The following EXT2 variants were observed in gnomAD, a reference collection of about 807,000 sequenced individuals.
The protein encoded by EXT2 is exostosin-2.
A neutral mutation model predicts 81.6 loss-of-function variants in EXT2; 53 were observed. The observed-to-expected ratio is 0.65, with a 90% confidence interval of 0.52 to 0.82. EXT2 has a LOEUF of 0.82. Ranked by LOEUF, EXT2 falls within the 40% of genes least tolerant of loss-of-function variation. The probability of loss-of-function intolerance (pLI) is 0.00; values close to 1 mark genes in which losing one functional copy is unlikely to be tolerated. For synonymous variants in EXT2, 320 were observed against 340.0 expected (o/e 0.94, Z 0.65); for missense variants, 774 against 910.2 (o/e 0.85, Z 1.93).
intron 7 of EXT2, among the ~76,000 whole-genome samples, chr11:44,131,456 C>T (rs7117287): frequency 0.26 from 39,752 of 152,066 alleles, 6,106 homozygotes; most frequent in Admixed American, 0.43. Flanking sequence ...GATCTGCCTT[C>T]TCTGGGCCTC....
At chr11:44,231,197 G>A (rs1012320346) in intron 10 of EXT2, among the ~76,000 whole-genome samples, 6 of 152,124 alleles carry the variant, frequency 3.9e-5, no homozygotes, top group Admixed American at 3.9e-4. Flanking sequence ...TGGTGGTTTG[G>A]GCTAGAGGGA....
intron 3 of EXT2, among the ~76,000 whole-genome samples, chr11:44,110,548 A>G (rs1305904382): frequency 6.6e-6 from 1 of 152,218 alleles, no homozygotes; most frequent in Non-Finnish European, 1.5e-5. Flanking sequence ...ACTTTGGAGA[A>G]CAGAGAAGGG....
chr11:44,244,122 T>G lies in EXT2; in HGVS notation c.2019-27T>G, dbSNP rs767534653. On this transcript the variant is annotated intron_variant, in intron 13 of 13. Transcript: ENST00000533608. ...CTTCTCATTCTGCTCAAACCCCTCC[T>G]CCCCACCTCCTCTCCAAATCCCACA... is the stretch of plus-strand genomic sequence containing the variant. 6.8e-6 allele frequency: 11 copies of G among 1,612,376 alleles called. No individual in the cohort carries two copies. The East Asian group carries it at 2.5e-4, about 36-fold the overall frequency.
intron 7 of EXT2, chr11:44,144,413 C>A (rs757583646): frequency 2.7e-4 from 352 of 1,310,832 alleles, no homozygotes; most frequent in Middle Eastern, 3.7e-4. Flanking sequence ...CTTGACCAAA[C>A]ACAGTTTTAT....
intron 8 of EXT2, among the ~76,000 whole-genome samples, chr11:44,183,363 G>T (rs1955262925): frequency 6.6e-6 from 1 of 152,188 alleles, no homozygotes; most frequent in Non-Finnish European, 1.5e-5. Flanking sequence ...TATAGTGGTT[G>T]CCAAATAGTG....
At chr11:44,121,570 G>A (rs1049273373) in intron 4 of EXT2, among the ~76,000 whole-genome samples, 2 of 151,210 alleles carry the variant, frequency 1.3e-5, no homozygotes, top group African/African-American at 4.9e-5. Context: ...AACTTCTGTT[G>A]CCCCCCTGCC....
intron 9 of EXT2, among the ~76,000 whole-genome samples, chr11:44,201,727 A>G (rs1955524493): frequency 6.6e-6 from 1 of 152,194 alleles, no homozygotes; most frequent in Admixed American, 6.5e-5. Flanking sequence ...TGGGAAAGAA[A>G]AATCCTCTTT....
In EXT2 at chr11:44,096,177, C is replaced by A; in HGVS notation, c.-31+325C>A. ...TTCCTTTCCTCCTGCGACCCGCCCT[C>A]CGCCCTCCGCCGTGACCCCTCCCTT... On this transcript the variant is annotated intron_variant, in intron 1 of 13. Coordinates refer to ENST00000533608, the MANE Select transcript of EXT2 (RefSeq NM_207122.2). 3 of 1,384,882 alleles carry A rather than the reference C, an allele frequency of 2.2e-6. No homozygotes were observed. The South Asian group carries it at 3.7e-5, about 17-fold the overall frequency. 85.8% of individuals were successfully genotyped at this position (1,384,882 alleles called of 1,614,324 possible).
At chr11:44,139,465 G>T (rs1003662081) in intron 7 of EXT2, among the ~76,000 whole-genome samples, 2 of 152,080 alleles carry the variant, frequency 1.3e-5, no homozygotes, top group African/African-American at 4.8e-5. Flanking sequence ...AATTTAGGAG[G>T]ACTGGTCACA....
intron 4 of EXT2, among the ~76,000 whole-genome samples, chr11:44,115,369 C>T (rs948335188): frequency 6.6e-6 from 1 of 152,066 alleles, no homozygotes; most frequent in East Asian, 1.9e-4. Flanking sequence ...TTTTAAACTA[C>T]CATATCTTCA....
At chr11:44,234,949 G>A (rs1201454970) in intron 12 of EXT2, among the ~76,000 whole-genome samples, 1 of 152,174 alleles carries the variant, frequency 6.6e-6, no homozygotes, top group Admixed American at 6.5e-5. Context: ...CTAGCAATCT[G>A]CCTAGAAAGC....
chr11:44,189,260 TAA>T lies in EXT2; in HGVS notation c.1306-8568_1306-8567del, dbSNP rs553799391. Among the ~76,000 whole-genome samples, 20 of 152,268 alleles carry T rather than the reference TAA, an allele frequency of 1.3e-4. No individual in the cohort carries two copies. The East Asian group carries it at 3.7e-3, about 28-fold the overall frequency. ...TAACTATCTTACTTAGTTGAAGCCT[TAA>T]GAGGATTTCTAGCCTTTGATTTTCT... On this transcript the variant is annotated intron_variant, in intron 8 of 13. Transcript: ENST00000533608.
chr11:44,238,209 T>C (rs1955992880), intron 13 of EXT2, among the ~76,000 whole-genome samples: 1 of 152,188 alleles, frequency 6.6e-6, no homozygotes, highest in East Asian at 1.9e-4. Context: ...ATTATTATTA[T>C]TAAGAGAAAG....
chr11:44,192,371 G>T (rs1351303065), intron 8 of EXT2, among the ~76,000 whole-genome samples: 2 of 151,918 alleles, frequency 1.3e-5, no homozygotes, highest in Non-Finnish European at 2.9e-5. Context: ...TGTTTTTACT[G>T]TGCTGTCTTC....
chr11:44,219,229 C>T (rs1272661802), intron 10 of EXT2, among the ~76,000 whole-genome samples: 1 of 152,180 alleles, frequency 6.6e-6, no homozygotes, highest in East Asian at 1.9e-4. Context: ...TGACTGAGCA[C>T]AGTGACCCAT....
chr11:44,214,953 T>C (rs1955699942), intron 10 of EXT2, among the ~76,000 whole-genome samples: 1 of 151,956 alleles, frequency 6.6e-6, no homozygotes, highest in Non-Finnish European at 1.5e-5. Flanking sequence ...GTAGACAAGC[T>C]CCTGCTATGT....
intron 7 of EXT2, among the ~76,000 whole-genome samples, chr11:44,163,146 C>T (rs1254979638): frequency 2.6e-5 from 4 of 152,168 alleles, no homozygotes; most frequent in South Asian, 2.1e-4. Flanking sequence ...CTTCAAAAAC[C>T]TCCAGTCCAC....
At chr11:44,214,382 G>C (rs1376865129) in intron 10 of EXT2, among the ~76,000 whole-genome samples, 1 of 152,112 alleles carries the variant, frequency 6.6e-6, no homozygotes, top group Non-Finnish European at 1.5e-5. Context: ...CCAAAGTGCT[G>C]GGACTACAAG....
intron 13 of EXT2, 103 bp downstream of exon 13, chr11:44,236,478 G>A (rs1955966711): frequency 1.5e-5 from 16 of 1,046,372 alleles, no homozygotes; most frequent in Non-Finnish European, 2.3e-5. Context: ...ACAGCAGCTG[G>A]TAGCCATAGT....
Sources: gnomAD v4.1 joint callset for allele counts (sites outside exome capture counted in the v4.1 genomes callset) on GRCh38, gnomAD v4.1.1 for gene constraint, MANE v1.5 for transcripts, NCBI Gene and HGNC (gene_info 2026-07-23, HGNC 2026-07-21) for gene names.